Variants in RABGAP1L observed in about 807,000 individuals in gnomAD.
RABGAP1L encodes the protein RAB GTPase activating protein 1 like.
RABGAP1L carries 63 observed loss-of-function variants against 137.7 expected under a neutral mutation model. The ratio of observed to expected loss-of-function variants is 0.46; its 90% CI spans 0.37 to 0.56. RABGAP1L has a LOEUF of 0.56. Ranked by LOEUF, RABGAP1L falls within the 20% of genes least tolerant of loss-of-function variation. The pLI is 0.00. For missense variants in RABGAP1L, 1,095 were observed against 1,244.0 expected (o/e 0.88, Z 1.80); for synonymous variants, 431 against 433.7 (o/e 0.99, Z 0.08).
chr1:174,351,791 T>G (rs1558157014), intron 11 of RABGAP1L, among the ~76,000 whole-genome samples: 2 of 150,894 alleles, frequency 1.3e-5, no homozygotes, highest in South Asian at 2.1e-4. Flanking sequence ...CTGTGTGTTT[T>G]TTTTGTTTTG....
At chr1:174,327,790 A>G (rs950211221) in intron 11 of RABGAP1L, among the ~76,000 whole-genome samples, 13 of 151,560 alleles carry the variant, frequency 8.6e-5, no homozygotes, top group African/African-American at 2.4e-4. Context: ...ACTGAAAATG[A>G]TGGATGGGAA....
intron 13 of RABGAP1L, among the ~76,000 whole-genome samples, chr1:174,574,809 A>G (rs992929954): frequency 2.0e-5 from 3 of 152,190 alleles, no homozygotes; most frequent in Non-Finnish European, 4.4e-5. Flanking sequence ...AACAGACATG[A>G]AAATAGTGTA....
At chr1:174,835,421 A>G (rs1692636868) in intron 19 of RABGAP1L, among the ~76,000 whole-genome samples, 1 of 152,242 alleles carries the variant, frequency 6.6e-6, no homozygotes, top group Non-Finnish European at 1.5e-5. Context: ...TTCAATTTAT[A>G]GTAAATTTCA....
intron 11 of RABGAP1L, among the ~76,000 whole-genome samples, chr1:174,355,146 A>C (rs1683512177): frequency 6.6e-6 from 1 of 152,304 alleles, no homozygotes; most frequent in South Asian, 2.1e-4. Context: ...TCATACTGCT[A>C]TAAAGACACA....
chr1:174,542,212 C>T (rs1572242356), intron 13 of RABGAP1L, among the ~76,000 whole-genome samples: 1 of 152,276 alleles, frequency 6.6e-6, no homozygotes, highest in East Asian at 1.9e-4. Context: ...AGCTGTGAAT[C>T]CATCTGGTCC....
At chr1:174,352,467 ATTCT>A (rs1213970596) in intron 11 of RABGAP1L, among the ~76,000 whole-genome samples, 1 of 152,122 alleles carries the variant, frequency 6.6e-6, no homozygotes, top group African/African-American at 2.4e-5. Context: ...ATGATTCTGA[ATTCT>A]TTCTCTTTGT....
intron 17 of RABGAP1L, among the ~76,000 whole-genome samples, chr1:174,733,819 A>G (rs375274821): frequency 2.6e-5 from 4 of 152,178 alleles, no homozygotes; most frequent in East Asian, 3.9e-4. Flanking sequence ...AAAAGGAGTC[A>G]CTCTGGAGAA....
At chr1:174,540,960 T>G (rs766963570) in intron 13 of RABGAP1L, among the ~76,000 whole-genome samples, 6 of 152,182 alleles carry the variant, frequency 3.9e-5, no homozygotes, top group Non-Finnish European at 7.4e-5. Context: ...TGTGTCCTCT[T>G]TTATTTTATT....
intron 13 of RABGAP1L, among the ~76,000 whole-genome samples, chr1:174,440,290 G>A (rs1438314555): frequency 6.6e-6 from 1 of 152,148 alleles, no homozygotes; most frequent in Non-Finnish European, 1.5e-5. Flanking sequence ...TAAAACAGAA[G>A]CAACGCGATC....
At chr1:174,711,312 C>T (rs1269101061) in intron 17 of RABGAP1L, among the ~76,000 whole-genome samples, 1 of 152,158 alleles carries the variant, frequency 6.6e-6, no homozygotes. Context: ...CTGAAGGGCT[C>T]CTCAAGTGCC....
At chr1:174,584,846 T>C (rs967989036) in intron 13 of RABGAP1L, among the ~76,000 whole-genome samples, 1 of 152,146 alleles carries the variant, frequency 6.6e-6, no homozygotes, top group African/African-American at 2.4e-5. Flanking sequence ...GTGTTTTTTT[T>C]TTTAATCCCT....
At position 174,544,158 on chromosome 1, in the gene RABGAP1L, T is replaced by C. The variant is rs9425783; in HGVS notation, c.1711-93217T>C. ...TGTTGGCCTGCCTTGCTAGGTTGGG[T>C]AAGTTCTCCTGGGTAATATCCTGCA... On this transcript the variant is annotated intron_variant, in intron 13 of 25. Coordinates refer to ENST00000681986, the MANE Select transcript of RABGAP1L (RefSeq NM_001366446.1). Among the ~76,000 whole-genome samples the C allele has an allele frequency of 9.9e-3, 1,501 of 152,278 alleles. 13 individuals carry two copies. Among genetic ancestry groups the C allele is most frequent in the Non-Finnish European group, 0.014 (976 of 68,006 alleles).
chr1:174,823,808 A>G (rs1691289488), intron 19 of RABGAP1L, among the ~76,000 whole-genome samples: 1 of 152,222 alleles, frequency 6.6e-6, no homozygotes, highest in African/African-American at 2.4e-5. Flanking sequence ...AAAATATCGC[A>G]TGTTCTCCAT....
intron 17 of RABGAP1L, among the ~76,000 whole-genome samples, chr1:174,732,670 T>G (rs1386042232): frequency 6.6e-6 from 1 of 152,172 alleles, no homozygotes; most frequent in Non-Finnish European, 1.5e-5. Flanking sequence ...AGGCATAATA[T>G]AGTAAAAAGA....
intron 10 of RABGAP1L, among the ~76,000 whole-genome samples, chr1:174,290,126 G>T (rs530119121): frequency 6.2e-4 from 94 of 152,274 alleles, no homozygotes; most frequent in African/African-American, 2.2e-3. Context: ...ACCCAGTACT[G>T]CCAACCATAC....
chr1:174,779,377 T>C (rs1329836654), intron 18 of RABGAP1L, among the ~76,000 whole-genome samples: 4 of 152,224 alleles, frequency 2.6e-5, no homozygotes, highest in African/African-American at 7.2e-5. Flanking sequence ...CTTGTTGTTA[T>C]TTAGATGTTT....
chr1:174,383,083 C>T lies in RABGAP1L; in HGVS notation c.1560-10912C>T, dbSNP rs893501815. Among the ~76,000 whole-genome samples the T allele has an allele frequency of 7.3e-4, 110 of 151,142 alleles. 1 individual carries two copies. The highest frequency in any genetic ancestry group is 6.2e-4 in the Non-Finnish European group (42 of 67,866). ...GTCAGTGTGCCCCTGCTGGGGGGTG[C>T]CTCCCAGTTAGGCTGCTCGGGGGTC... On this transcript the variant is annotated intron_variant, in intron 12 of 25. Transcript: ENST00000681986.
chr1:174,970,853 G>C (rs144193966), intron 21 of RABGAP1L, among the ~76,000 whole-genome samples: 6 of 152,040 alleles, frequency 3.9e-5, no homozygotes, highest in African/African-American at 1.4e-4. Context: ...GAGAATGACA[G>C]TTTGACTGTA....
chr1:174,252,618 A>G (rs368076673), intron 7 of RABGAP1L, 28 bp downstream of exon 7: 1 of 1,597,004 alleles, frequency 6.3e-7, no homozygotes, highest in Non-Finnish European at 8.5e-7. Context: ...AAATGCTACC[A>G]AAAACTTGTA....
Sources: gnomAD v4.1 joint callset for allele counts (sites outside exome capture counted in the v4.1 genomes callset) on GRCh38, gnomAD v4.1.1 for gene constraint, MANE v1.5 for transcripts, NCBI Gene and HGNC (gene_info 2026-07-23, HGNC 2026-07-21) for gene names.